The following GSTCD variants were observed in gnomAD, a reference collection of about 807,000 sequenced individuals.
GSTCD encodes glutathione S-transferase C-terminal domain containing, also known as glutathione S-transferase C-terminal domain-containing protein.
GSTCD carries 44 observed loss-of-function variants against 68.3 expected under a neutral mutation model. That is an observed-to-expected ratio of 0.64 (90% CI 0.51 to 0.83). GSTCD has a LOEUF of 0.83. Ranked by LOEUF, GSTCD falls within the 40% of genes least tolerant of loss-of-function variation. The pLI, the probability that GSTCD is intolerant of heterozygous loss-of-function variation, is 0.00. For missense variants in GSTCD, 739 were observed against 735.9 expected (o/e 1.00, Z -0.05); for synonymous variants, 273 against 255.2 (o/e 1.07, Z -0.67).
At chr4:105,723,293 C>CT (rs201126028) in intron 3 of GSTCD, among the ~76,000 whole-genome samples, 24 of 150,998 alleles carry the variant, frequency 1.6e-4, no homozygotes, top group African/African-American at 3.2e-4. Flanking sequence ...ATTTTTCAAA[C>CT]TTTTTTTTTA....
intron 4 of GSTCD, among the ~76,000 whole-genome samples, chr4:105,727,971 AT>A (rs1013274398): frequency 4.6e-5 from 7 of 152,162 alleles, no homozygotes; most frequent in Admixed American, 3.9e-4. Context: ...GAGTTTACTG[AT>A]TTAGAAATGG....
intron 4 of GSTCD, 127 bp downstream of exon 4, chr4:105,726,957 CTT>C: frequency 1.4e-6 from 1 of 717,208 alleles, no homozygotes; most frequent in Non-Finnish European, 2.2e-6. Context: ...TTTCTTCACT[CTT>C]TACCAGTTAA....
At chr4:105,720,582 T>C (rs1191933989) in intron 3 of GSTCD, among the ~76,000 whole-genome samples, 2 of 152,164 alleles carry the variant, frequency 1.3e-5, no homozygotes, top group Non-Finnish European at 2.9e-5. Context: ...ACCAAAACAA[T>C]ATAAAAAGAG....
chr4:105,786,022 C>A (rs1376629834), intron 5 of GSTCD, among the ~76,000 whole-genome samples: 1 of 152,092 alleles, frequency 6.6e-6, no homozygotes, highest in Non-Finnish European at 1.5e-5. Flanking sequence ...TACAATAACC[C>A]TTACATTACA....
chr4:105,843,990 G>C (rs904146085), intron 11 of GSTCD, among the ~76,000 whole-genome samples: 21 of 152,196 alleles, frequency 1.4e-4, no homozygotes, highest in Admixed American at 1.0e-3. Flanking sequence ...GCTTTACACA[G>C]GCCATTCCTC....
At chr4:105,734,604 G>A (rs367920564) in intron 5 of GSTCD, among the ~76,000 whole-genome samples, 10 of 152,080 alleles carry the variant, frequency 6.6e-5, no homozygotes, top group African/African-American at 1.4e-4. Flanking sequence ...TTTTTGCAAC[G>A]TTTTTAGCTT....
chr4:105,774,986 G>A (rs1156625252), intron 5 of GSTCD, among the ~76,000 whole-genome samples: 3 of 103,662 alleles, frequency 2.9e-5, no homozygotes, highest in Non-Finnish European at 6.2e-5. Flanking sequence ...TCACTTTCAG[G>A]TACACCAATC....
At chr4:105,718,390 T>C (rs369076897) in intron 2 of GSTCD, among the ~76,000 whole-genome samples, 20 of 152,212 alleles carry the variant, frequency 1.3e-4, no homozygotes, top group African/African-American at 4.8e-4. Context: ...CTGGTACCTC[T>C]TCCTTGCTCT....
Position 105,845,688 on chromosome 4 carries a change from A to AT in GSTCD, c.*113dup, listed in dbSNP as rs1297675912. The AT allele has an allele frequency of 2.6e-6, 3 of 1,136,510 alleles. No homozygotes were observed. Among genetic ancestry groups the AT allele is most frequent in the Non-Finnish European group, 3.8e-6 (3 of 782,462 alleles). The allele number at this position is 1,136,510 out of a possible 1,614,324, so 70.4% of individuals were successfully genotyped here. The stretch of plus-strand genomic sequence containing the variant: ...AAACAGCATTAGCCATCTTGAACCT[A>AT]TTGTGCTCAGGAAGGAAAGCAACAG... On this transcript the variant is annotated 3_prime_UTR_variant, in exon 12 of 12. Coordinates refer to ENST00000515279, the MANE Select transcript of GSTCD (RefSeq NM_001370181.1).
At chr4:105,710,756 G>A (rs1042665541) in intron 1 of GSTCD, 1 of 152,036 alleles carries the variant, frequency 6.6e-6, no homozygotes, top group Non-Finnish European at 1.5e-5. Flanking sequence ...TTGCGCTGTC[G>A]ATCACTGTTA....
chr4:105,742,598 A>G (rs1337316467), intron 5 of GSTCD, among the ~76,000 whole-genome samples: 2 of 152,256 alleles, frequency 1.3e-5, no homozygotes, highest in Non-Finnish European at 2.9e-5. Context: ...CAATTAGCAC[A>G]GTGCCTAGGA....
chr4:105,822,971 C>G lies in GSTCD; in HGVS notation c.1258C>G (p.Arg420Gly). The G allele has an allele frequency of 3.7e-6, 6 of 1,612,650 alleles. No individual in the cohort carries two copies. The highest frequency in any genetic ancestry group is 5.1e-6 in the Non-Finnish European group (6 of 1,179,116). ...TTTCTCAGGTAAAATGTCCAGTGAT[C>G]GAGCTTTGAGGAAGCAGCAACAGTT... ...SPKEGKMSSD[R>G]ALRKQQQLNN... The change falls in exon 6 of 12, where the codon CGA becomes GGA. Residue 420 changes from arginine to glycine, a missense_variant. Transcript: ENST00000515279.
At chr4:105,824,487 A>G (rs1388425177) in intron 7 of GSTCD, among the ~76,000 whole-genome samples, 1 of 152,200 alleles carries the variant, frequency 6.6e-6, no homozygotes, top group African/African-American at 2.4e-5. Context: ...CACACCAAGT[A>G]TAGTCTAACA....
At chr4:105,726,953 C>A in intron 4 of GSTCD, 123 bp downstream of exon 4, 3 of 736,674 alleles carry the variant, frequency 4.1e-6, no homozygotes, top group Non-Finnish European at 6.4e-6. Context: ...TAGCTTTCTT[C>A]ACTCTTTACC....
At chr4:105,709,358 T>C (rs1247768904) in intron 1 of GSTCD, among the ~76,000 whole-genome samples, 1 of 152,198 alleles carries the variant, frequency 6.6e-6, no homozygotes, top group Non-Finnish European at 1.5e-5. Flanking sequence ...TGTTAAGTGT[T>C]ACTTCAAGAC....
At chr4:105,813,975 C>G (rs1159868466) in intron 5 of GSTCD, among the ~76,000 whole-genome samples, 1 of 152,048 alleles carries the variant, frequency 6.6e-6, no homozygotes, top group Non-Finnish European at 1.5e-5. Context: ...TTGATCAGGG[C>G]CAGGCATATA....
At chr4:105,780,714 A>C (rs1735244615) in intron 5 of GSTCD, among the ~76,000 whole-genome samples, 1 of 152,210 alleles carries the variant, frequency 6.6e-6, no homozygotes, top group Non-Finnish European at 1.5e-5. Context: ...TAGAAGTATT[A>C]ATTTATAATT....
At chr4:105,791,164 T>C (rs995973071) in intron 5 of GSTCD, among the ~76,000 whole-genome samples, 5 of 151,736 alleles carry the variant, frequency 3.3e-5, no homozygotes, top group Admixed American at 6.5e-5. Context: ...GAGGCCGAGG[T>C]GGGCGGATCA....
Position 105,742,707 on chromosome 4 carries a change from C to CT in GSTCD, c.1240+13225dup, listed in dbSNP as rs70941211. 1.4e-3 allele frequency among the ~76,000 whole-genome samples: 189 copies of CT among 130,398 alleles called. 1 individual carries two copies. Among genetic ancestry groups the CT allele is most frequent in the Admixed American group, 2.4e-3 (31 of 12,770 alleles). 85.5% of individuals were successfully genotyped at this position (130,398 alleles called of 152,430 possible). ...TTCTCTTTTTTTGTTGTTGTTTTTACTTTTTTTTTTTTTTTTTATTTCTTA... is the reference window on the plus strand; with the variant it reads ...TTCTCTTTTTTTGTTGTTGTTTTTACTTTTTTTTTTTTTTTTTTATTTCTTA... On this transcript the variant is annotated intron_variant, in intron 5 of 11. Transcript: ENST00000515279.
Sources: gnomAD v4.1 joint callset for allele counts (sites outside exome capture counted in the v4.1 genomes callset) on GRCh38, gnomAD v4.1.1 for gene constraint, MANE v1.5 for transcripts, NCBI Gene and HGNC (gene_info 2026-07-23, HGNC 2026-07-21) for gene names.